Variants in SLC35G1 observed in about 807,000 individuals in gnomAD.
The protein encoded by SLC35G1 is partner of STIM1.
A neutral mutation model predicts 17.1 loss-of-function variants in SLC35G1; 10 were observed. The observed-to-expected ratio is 0.59, with a 90% CI of 0.36 to 0.99. SLC35G1 has a LOEUF of 0.99. Ranked by LOEUF, SLC35G1 falls within the 50% of genes least tolerant of loss-of-function variation. The pLI, the probability that SLC35G1 is intolerant of heterozygous loss-of-function variation, is 0.01. For missense variants in SLC35G1, 433 were observed against 468.4 expected (o/e 0.92, Z 0.70); for synonymous variants, 185 against 181.1 (o/e 1.02, Z -0.18).
intron 1 of SLC35G1, among the ~76,000 whole-genome samples, chr10:93,897,744 C>T (rs2060344843): frequency 6.6e-6 from 1 of 152,302 alleles, no homozygotes; most frequent in African/African-American, 2.4e-5. Flanking sequence ...CTGGAGAAAG[C>T]ACTGGTTTCC....
intron 2 of SLC35G1, among the ~76,000 whole-genome samples, 164 bp downstream of exon 2, chr10:93,898,915 A>G (rs1009901638): frequency 2.0e-5 from 3 of 152,312 alleles, no homozygotes; most frequent in African/African-American, 7.2e-5. Context: ...CCCACAGAAG[A>G]TTCTACCATG....
chr10:93,898,826 C>T (rs1180916051), intron 2 of SLC35G1, 75 bp downstream of exon 2: 2 of 1,398,886 alleles, frequency 1.4e-6, no homozygotes, highest in African/African-American at 1.4e-5. Context: ...TATAATTACT[C>T]TATCTGCTTT....
intron 1 of SLC35G1, among the ~76,000 whole-genome samples, chr10:93,895,188 C>T (rs981607346): frequency 6.6e-6 from 1 of 152,218 alleles, no homozygotes; most frequent in African/African-American, 2.4e-5. Flanking sequence ...TTCTGTTCCT[C>T]TCCTCTCACT....
At chr10:93,897,785 G>C (rs2060345247) in intron 1 of SLC35G1, among the ~76,000 whole-genome samples, 1 of 152,268 alleles carries the variant, frequency 6.6e-6, no homozygotes, top group African/African-American at 2.4e-5. Context: ...GTAGGGATTA[G>C]ATGGCAGTTC....
chr10:93,901,050 G>A lies in SLC35G1; in HGVS notation c.658G>A (p.Gly220Ser). The A allele has an allele frequency of 3.7e-6, 6 of 1,614,064 alleles. No homozygotes were observed. Among genetic ancestry groups the A allele is most frequent in the Non-Finnish European group, 5.1e-6 (6 of 1,179,982 alleles). ...DTSGMEESYS[G>S]HLKGTFAAIG... ...TTCGGGGATGGAAGAAAGCTATTCAGGCCACCTTAAGGGAACATTCGCAGC... is the reference window on the plus strand; with the variant it reads ...TTCGGGGATGGAAGAAAGCTATTCAAGCCACCTTAAGGGAACATTCGCAGC... The change falls in exon 3 of 3, where the codon GGC becomes AGC. Residue 220 changes from glycine (G) to serine (S), a missense_variant. Physicochemically the swap from Gly to Ser is moderately conservative, Grantham distance 56 (BLOSUM62 0). Coordinates refer to ENST00000427197, the MANE Select transcript of SLC35G1 (RefSeq NM_001134658.3).
At position 93,894,090 on chromosome 10, in the gene SLC35G1, A is replaced by G; in HGVS notation, c.57A>G (p.Leu19=). ...VAELQEPGLP[L]TDDAPPGATE... ...AGCTCCAGGAGCCCGGGCTGCCGCT[A>G]ACGGACGATGCACCCCCGGGCGCCA... The change falls in exon 1 of 3, where the codon CTA becomes CTG. Residue 19 remains leucine (L), a synonymous_variant. Coordinates refer to ENST00000427197, the MANE Select transcript of SLC35G1 (RefSeq NM_001134658.3). 6.7e-7 allele frequency: 1 copy of G among 1,486,146 alleles called. No individual in the cohort carries two copies. Among genetic ancestry groups the G allele is most frequent in the Non-Finnish European group, 8.9e-7 (1 of 1,126,190 alleles). 92.1% of individuals were successfully genotyped at this position (1,486,146 alleles called of 1,614,324 possible).
chr10:93,898,904 A>G (rs546816689), intron 2 of SLC35G1, among the ~76,000 whole-genome samples, 153 bp downstream of exon 2: 3 of 152,160 alleles, frequency 2.0e-5, no homozygotes, highest in African/African-American at 4.8e-5. Context: ...ATAAGCATCT[A>G]CCCACAGAAG....
At chr10:93,900,481 T>C (rs1427213109) in intron 2 of SLC35G1, among the ~76,000 whole-genome samples, 1 of 151,994 alleles carries the variant, frequency 6.6e-6, no homozygotes, top group African/African-American at 2.4e-5. Flanking sequence ...GTGGGATAAA[T>C]ATCTATATTA....
In SLC35G1 at chr10:93,898,577, A is replaced by G. The variant is rs542280075; in HGVS notation, c.185A>G (p.Lys62Arg). 1.3e-6 allele frequency: 2 copies of G among 1,599,440 alleles called. No individual in the cohort carries two copies. The highest frequency in any genetic ancestry group is 2.7e-5 in the African/African-American group (2 of 73,564). ...AGAATTTAATCTTTTTCAGAAGCCAAGAAGAAAGCACCCTGTCCTGGACTT... is the reference window on the plus strand; with the variant it reads ...AGAATTTAATCTTTTTCAGAAGCCAGGAAGAAAGCACCCTGTCCTGGACTT... The part of the protein sequence containing the change: ...PCCSRTEPEA[K>R]KKAPCPGLGL... Residue 62 changes from lysine to arginine, a missense_variant, in exon 2 of 3, where the codon AAG (lysine) becomes AGG (arginine). Lys to Arg is a conservative substitution (Grantham distance 26). Coordinates refer to ENST00000427197, the MANE Select transcript of SLC35G1 (RefSeq NM_001134658.3).
At chr10:93,895,687 C>A (rs935042955) in intron 1 of SLC35G1, among the ~76,000 whole-genome samples, 1 of 152,138 alleles carries the variant, frequency 6.6e-6, no homozygotes, top group Non-Finnish European at 1.5e-5. Flanking sequence ...TTTGTGACAC[C>A]TCTTGTTCTA....
At position 93,898,671 on chromosome 10, in the gene SLC35G1, A is replaced by G. The variant is rs750895371; in HGVS notation, c.279A>G (p.Gln93=). The change falls in exon 2 of 3, where the codon CAA becomes CAG. Residue 93 remains glutamine, a synonymous_variant. Coordinates refer to ENST00000427197, the MANE Select transcript of SLC35G1 (RefSeq NM_001134658.3). Reference sequence around the variant, plus strand: ...GCTCTTTATTTGTTAAAAAAGTGCAAGACGTCCATGCTGTAGAGATTAGTG... The same window carrying G: ...GCTCTTTATTTGTTAAAAAAGTGCAGGACGTCCATGCTGTAGAGATTAGTG... ...SVGSLFVKKV[Q]DVHAVEISAF... 6.2e-7 allele frequency: 1 copy of G among 1,613,970 alleles called. No homozygotes were observed. The highest frequency in any genetic ancestry group is 1.7e-5 in the Admixed American group (1 of 59,996).
At chr10:93,896,315 C>T (rs557315168) in intron 1 of SLC35G1, among the ~76,000 whole-genome samples, 1 of 152,268 alleles carries the variant, frequency 6.6e-6, no homozygotes, top group South Asian at 2.1e-4. Context: ...TTAAGTGTTA[C>T]TCAGGTGATT....
chr10:93,909,377 A>T (rs965884601), exon 3 of SLC35G1: 1 of 151,954 alleles, frequency 6.6e-6, no homozygotes, highest in Non-Finnish European at 1.5e-5. Context: ...TCAAGCTCAA[A>T]TCCTCTTGGA....
chr10:93,901,797 T>C lies in SLC35G1; in HGVS notation c.*307T>C, dbSNP rs559513851. ...CATTTTATGGCTAGTAATATTTATGTAATTTTTAAAATGTATTTTTGGTAC... is the reference window on the plus strand; with the variant it reads ...CATTTTATGGCTAGTAATATTTATGCAATTTTTAAAATGTATTTTTGGTAC... On this transcript the variant is annotated 3_prime_UTR_variant, in exon 3 of 3. Transcript: ENST00000427197. The C allele has an allele frequency of 7.3e-5, 17 of 234,452 alleles. No homozygotes were observed. The highest frequency in any genetic ancestry group is 2.9e-4 in the African/African-American group (13 of 44,320). 14.5% of individuals were successfully genotyped at this position (234,452 alleles called of 1,614,324 possible).
chr10:93,901,597 T>C lies in SLC35G1; in HGVS notation c.*107T>C. The C allele has an allele frequency of 1.6e-6, 2 of 1,288,558 alleles. No individual in the cohort carries two copies. The highest frequency in any genetic ancestry group is 2.1e-6 in the Non-Finnish European group (2 of 973,584). The allele number at this position is 1,288,558 out of a possible 1,614,324, so 79.8% of individuals were successfully genotyped here. On this transcript the variant is annotated 3_prime_UTR_variant, in exon 3 of 3. Transcript: ENST00000427197. ...CTGCATTTTCTTCATTGGTTGTATT[T>C]AATAAATTGCCTAAAGTACCATTTT...
Position 93,901,024 on chromosome 10 carries a change from C to T in SLC35G1, c.632C>T (p.Thr211Ile), listed in dbSNP as rs762106706. Residue 211 changes from threonine to isoleucine, a missense_variant, in exon 3 of 3, where the codon ACT (threonine) becomes ATT (isoleucine). Transcript: ENST00000427197. ...VRPPFLFGSDTSGMEESYSGH... is the reference protein window; with the variant it reads ...VRPPFLFGSDISGMEESYSGH... Reference sequence around the variant, plus strand: ...CCACCATTTTTGTTTGGTTCCGACACTTCGGGGATGGAAGAAAGCTATTCA... The same window carrying T: ...CCACCATTTTTGTTTGGTTCCGACATTTCGGGGATGGAAGAAAGCTATTCA... 6.2e-7 allele frequency: 1 copy of T among 1,614,058 alleles called. No homozygotes were observed. The highest frequency in any genetic ancestry group is 8.5e-7 in the Non-Finnish European group (1 of 1,179,972).
rs747756945 is a variant in SLC35G1 at position 93,900,963 on chromosome 10, G to T, written c.571G>T (p.Val191Leu). 1 of 1,614,006 alleles carries T rather than the reference G, an allele frequency of 6.2e-7. No homozygotes were observed. Reference protein sequence around the residue: ...KYSPWDALFTVFTITGVILIV... With the variant: ...KYSPWDALFTLFTITGVILIV... Reference sequence around the variant, plus strand: ...TAGCCCTTGGGATGCTCTTTTCACCGTGTTCACAATCACTGGAGTGATCCT... The same window carrying T: ...TAGCCCTTGGGATGCTCTTTTCACCTTGTTCACAATCACTGGAGTGATCCT... Residue 191 changes from valine (V) to leucine (L), a missense_variant, in exon 3 of 3, where the codon GTG becomes TTG. Transcript: ENST00000427197.
chr10:93,894,653 G>C (rs1434233658), intron 1 of SLC35G1, among the ~76,000 whole-genome samples: 1 of 152,098 alleles, frequency 6.6e-6, no homozygotes, highest in East Asian at 1.9e-4. Flanking sequence ...ATCGAGTCTA[G>C]AAAAAATGTT....
chr10:93,895,559 T>C (rs912539867), intron 1 of SLC35G1, among the ~76,000 whole-genome samples: 1 of 152,224 alleles, frequency 6.6e-6, no homozygotes, highest in Non-Finnish European at 1.5e-5. Flanking sequence ...TCTAAGAATC[T>C]TGTGGGTGTT....
Sources: gnomAD v4.1 joint callset for allele counts (sites outside exome capture counted in the v4.1 genomes callset) on GRCh38, gnomAD v4.1.1 for gene constraint, MANE v1.5 for transcripts, NCBI Gene and HGNC (gene_info 2026-07-23, HGNC 2026-07-21) for gene names.